Variants in CFAP54 observed in about 807,000 individuals in gnomAD.
CFAP54 encodes cilia and flagella associated protein 54, also known as cilia- and flagella-associated protein 54.
CFAP54 carries 290 observed loss-of-function variants against 370.4 expected under a neutral mutation model. The observed-to-expected ratio is 0.78, with a 90% CI of 0.71 to 0.86. CFAP54 has a LOEUF of 0.86. Ranked by LOEUF, CFAP54 falls within the 40% of genes least tolerant of loss-of-function variation. The pLI, the probability that CFAP54 is intolerant of heterozygous loss-of-function variation, is 0.00. For missense variants in CFAP54, 3,399 were observed against 3,528.7 expected (o/e 0.96, Z 0.93); for synonymous variants, 1,206 against 1,236.5 (o/e 0.98, Z 0.52).
At chr12:96,719,184 G>A (rs1030155002) in intron 49 of CFAP54, among the ~76,000 whole-genome samples, 10 of 152,116 alleles carry the variant, frequency 6.6e-5, no homozygotes, top group Admixed American at 5.2e-4. Flanking sequence ...TATGATGTAG[G>A]TAGTAATCAT....
chr12:96,704,466 AT>A (rs1957525960), intron 46 of CFAP54, among the ~76,000 whole-genome samples: 1 of 87,210 alleles, frequency 1.1e-5, no homozygotes, highest in African/African-American at 6.0e-5. Context: ...ATATATATAT[AT>A]ATATATATAT....
At chr12:96,495,994 T>C (rs900091550) in intron 1 of CFAP54, among the ~76,000 whole-genome samples, 3 of 152,170 alleles carry the variant, frequency 2.0e-5, no homozygotes, top group African/African-American at 4.8e-5. Flanking sequence ...TCAAATACCG[T>C]GGCATTTCGT....
intron 32 of CFAP54, among the ~76,000 whole-genome samples, chr12:96,638,205 A>ATGTGTGTGTGTG (rs756775917): frequency 1.6e-5 from 2 of 122,616 alleles, no homozygotes; most frequent in Non-Finnish European, 3.4e-5. Context: ...ATATATATGC[A>ATGTGTGTGTGTG]TGTGTGTGTG....
chr12:96,723,788 A>C (rs1957790742), intron 50 of CFAP54, among the ~76,000 whole-genome samples: 1 of 147,090 alleles, frequency 6.8e-6, no homozygotes, highest in East Asian at 2.1e-4. Context: ...TTAACTTGTC[A>C]TTTAGCATTA....
At chr12:96,557,878 A>C (rs557531820) in intron 17 of CFAP54, among the ~76,000 whole-genome samples, 5 of 152,232 alleles carry the variant, frequency 3.3e-5, no homozygotes, top group African/African-American at 1.2e-4. Context: ...ATATAAGGAA[A>C]ACTATAGTTA....
chr12:96,666,465 T>G (rs1693868933), intron 39 of CFAP54, among the ~76,000 whole-genome samples: 1 of 151,314 alleles, frequency 6.6e-6, no homozygotes, highest in African/African-American at 2.4e-5. Flanking sequence ...CAAAAAGAGG[T>G]TTAATGAATT....
chr12:96,534,599 G>T (rs536647942), intron 11 of CFAP54, among the ~76,000 whole-genome samples: 5 of 152,150 alleles, frequency 3.3e-5, no homozygotes, highest in Admixed American at 6.5e-5. Context: ...GTTAGGAAGG[G>T]AAGGTTTGGT....
chr12:96,808,457 G>A (rs189272865), intron 63 of CFAP54, among the ~76,000 whole-genome samples: 2 of 152,246 alleles, frequency 1.3e-5, no homozygotes, highest in East Asian at 1.9e-4. Flanking sequence ...CACAAAGAAA[G>A]GATAAGGCAT....
chr12:96,681,177 A>G (rs1957266524), intron 40 of CFAP54, among the ~76,000 whole-genome samples: 1 of 151,702 alleles, frequency 6.6e-6, no homozygotes, highest in African/African-American at 2.4e-5. Flanking sequence ...TGCAATTCCT[A>G]GGAATGGTTT....
At chr12:96,499,821 C>T (rs1955004429) in intron 1 of CFAP54, among the ~76,000 whole-genome samples, 1 of 152,098 alleles carries the variant, frequency 6.6e-6, no homozygotes, top group Admixed American at 6.6e-5. Context: ...TGGTGCACGC[C>T]TGTAATCCCA....
chr12:96,495,552 C>A (rs915976445), intron 1 of CFAP54, among the ~76,000 whole-genome samples: 1 of 151,252 alleles, frequency 6.6e-6, no homozygotes, highest in African/African-American at 2.4e-5. Context: ...AACTCCTGAC[C>A]TCAAGCGATC....
intron 58 of CFAP54, among the ~76,000 whole-genome samples, chr12:96,758,366 C>T (rs889868973): frequency 5.9e-5 from 9 of 152,262 alleles, no homozygotes; most frequent in African/African-American, 1.9e-4. Flanking sequence ...AGGCGAAAGT[C>T]ACATCTTACA....
intron 59 of CFAP54, 50 bp downstream of exon 59, chr12:96,764,299 C>A (rs1958374034): frequency 2.9e-6 from 4 of 1,394,282 alleles, no homozygotes; most frequent in Admixed American, 1.8e-5. Flanking sequence ...TATCTGTATT[C>A]TCTGCCTTTA....
chr12:96,765,182 C>T lies in CFAP54; in HGVS notation c.8245C>T (p.Leu2749=), dbSNP rs1000792095. ...ACCAAATATCCCAGAATTTGCTGCT[C>T]TGGATCTTTTGTCTTCGTATACAGA... ...ALPNIPEFAA[L]DLLSSYTDYL... The change falls in exon 60 of 68, where the codon CTG becomes TTG. Residue 2749 remains leucine (L), a synonymous_variant. Coordinates refer to ENST00000524981, the MANE Select transcript of CFAP54 (RefSeq NM_001306084.2). The T allele has an allele frequency of 7.8e-6, 12 of 1,539,110 alleles. No individual in the cohort carries two copies. Among genetic ancestry groups the T allele is most frequent in the Non-Finnish European group, 1.1e-5 (12 of 1,129,542 alleles).
At chr12:96,721,422 G>A (rs1565953819) in intron 50 of CFAP54, among the ~76,000 whole-genome samples, 1 of 152,134 alleles carries the variant, frequency 6.6e-6, no homozygotes, top group African/African-American at 2.4e-5. Context: ...CTCTGATCTA[G>A]GCAGTGAAGA....
At chr12:96,621,772 T>C (rs1956493091) in intron 27 of CFAP54, 51 bp downstream of exon 27, 1 of 1,423,302 alleles carries the variant, frequency 7.0e-7, no homozygotes, top group African/African-American at 1.4e-5. Flanking sequence ...TTGCATCTTT[T>C]AGGGGTAATG....
At chr12:96,614,437 C>T (rs890842554) in intron 26 of CFAP54, among the ~76,000 whole-genome samples, 76 of 152,254 alleles carry the variant, frequency 5.0e-4, no homozygotes, top group African/African-American at 1.7e-3. Context: ...GGAAGCATTC[C>T]CTTTGAAAAC....
chr12:96,691,096 G>A (rs761520598), intron 43 of CFAP54, 32 bp from the exon 44 acceptor site: 1 of 1,593,144 alleles, frequency 6.3e-7, no homozygotes, highest in Non-Finnish European at 8.6e-7. Flanking sequence ...GCTATCTATA[G>A]CTCTTTATAT....
chr12:96,862,349 G>A (rs958747803), intron 67 of CFAP54, among the ~76,000 whole-genome samples: 1 of 152,192 alleles, frequency 6.6e-6, no homozygotes, highest in Non-Finnish European at 1.5e-5. Context: ...CAAAGGACTT[G>A]ACTGTGACCT....
Sources: gnomAD v4.1 joint callset for allele counts (sites outside exome capture counted in the v4.1 genomes callset) on GRCh38, gnomAD v4.1.1 for gene constraint, MANE v1.5 for transcripts, NCBI Gene and HGNC (gene_info 2026-07-23, HGNC 2026-07-21) for gene names.